ZKSCAN8: variants seen among roughly 807,000 people sequenced by gnomAD.
ZKSCAN8 encodes zinc finger with KRAB and SCAN domains 8.
In ZKSCAN8, 27 loss-of-function variants were observed where a neutral mutation model predicts 57.2. The observed-to-expected ratio is 0.47, with a 90% CI of 0.35 to 0.65. The LOEUF (loss-of-function observed/expected upper bound fraction) is 0.65. ZKSCAN8 is among the 30% of genes least tolerant of loss of function. The probability of loss-of-function intolerance (pLI) is 0.01; values close to 1 mark genes in which losing one functional copy is unlikely to be tolerated. For synonymous variants in ZKSCAN8, 214 were observed against 248.7 expected (o/e 0.86, Z 1.31); for missense variants, 597 against 696.3 (o/e 0.86, Z 1.60).
chr6:28,147,329 A>G (rs1765431229), intron 1 of ZKSCAN8, among the ~76,000 whole-genome samples: 2 of 152,158 alleles, frequency 1.3e-5, no homozygotes, highest in Admixed American at 6.5e-5. Flanking sequence ...TTAAAACCAT[A>G]ATGAGTTGCC....
At chr6:28,149,824 C>CTT (rs200182974) in intron 3 of ZKSCAN8, among the ~76,000 whole-genome samples, 200 bp downstream of exon 3, 4 of 145,060 alleles carry the variant, frequency 2.8e-5, no homozygotes, top group African/African-American at 5.0e-5. Flanking sequence ...AATAATTTGA[C>CTT]TTTTTTTTTT....
chr6:28,150,974 T>A (rs1250984543), intron 3 of ZKSCAN8, among the ~76,000 whole-genome samples: 2 of 152,052 alleles, frequency 1.3e-5, no homozygotes, highest in African/African-American at 4.8e-5. Context: ...GCCTGGCTAA[T>A]TTTTGTATTT....
chr6:28,149,862 C>CT (rs1581524266), intron 3 of ZKSCAN8, among the ~76,000 whole-genome samples: 3 of 148,410 alleles, frequency 2.0e-5, no homozygotes, highest in South Asian at 4.3e-4. Flanking sequence ...TATTATTATA[C>CT]TTTAAGTTTT....
At position 28,159,024 on chromosome 6, in the gene ZKSCAN8, C is replaced by T. The variant is rs892550063; in HGVS notation, c.*5007C>T. ...CATATTCACCTTGATTCAACAGATT[C>T]AAACTTCCTACAGCCTTCTACTGAT... On this transcript the variant is annotated 3_prime_UTR_variant, in exon 6 of 6. Coordinates refer to ENST00000330236, the MANE Select transcript of ZKSCAN8 (RefSeq NM_006298.4). The T allele has an allele frequency of 6.6e-6, 1 of 152,252 alleles. No individual in the cohort carries two copies. The highest frequency in any genetic ancestry group is 1.5e-5 in the Non-Finnish European group (1 of 68,066). 9.4% of individuals were successfully genotyped at this position (152,252 alleles called of 1,614,324 possible).
rs1186814215 is a variant in ZKSCAN8, at chr6:28,154,294, A to G, written c.*277A>G. 9.1e-6 allele frequency: 3 copies of G among 328,880 alleles called. No homozygotes were observed. In the East Asian group the frequency reaches 1.7e-4, roughly 18 times the overall value. The allele number at this position is 328,880 out of a possible 1,614,324, so 20.4% of individuals were successfully genotyped here. A position where few individuals can be genotyped will look rare whatever the true frequency, so the allele number is the denominator to read the frequency against. Reference sequence around the variant, plus strand: ...ATAGCATTAGAGCAAGTTGCTTGTCATGGCTTGAAGAGCTTAACTTTGTCT... The same window carrying G: ...ATAGCATTAGAGCAAGTTGCTTGTCGTGGCTTGAAGAGCTTAACTTTGTCT... On this transcript the variant is annotated 3_prime_UTR_variant, in exon 6 of 6. Coordinates refer to ENST00000330236, the MANE Select transcript of ZKSCAN8 (RefSeq NM_006298.4).
At position 28,153,837 on chromosome 6, in the gene ZKSCAN8, A is replaced by G; in HGVS notation, c.1557A>G (p.Lys519=). 1 of 1,614,108 alleles carries G rather than the reference A, an allele frequency of 6.2e-7. No individual in the cohort carries two copies. The highest frequency in any genetic ancestry group is 8.5e-7 in the Non-Finnish European group (1 of 1,180,012). ...QRIHTGERPY[K]CKECGKAFNG... is the part of the protein sequence containing the mutation. ...TCCACACTGGAGAAAGACCCTATAA[A>G]TGTAAAGAATGTGGGAAAGCTTTCA... The change falls in exon 6 of 6, where the codon AAA becomes AAG. Residue 519 remains lysine (K), a synonymous_variant. Transcript: ENST00000330236.
In ZKSCAN8 at chr6:28,153,150, CGG is replaced by C. The variant is rs1561822444; in HGVS notation, c.873_874del (p.Asp292CysfsTer6). 2 of 1,614,124 alleles carry C rather than the reference CGG, an allele frequency of 1.2e-6. No individual in the cohort carries two copies. The highest frequency in any genetic ancestry group is 3.3e-5 in the Admixed American group (2 of 60,010). On this transcript the variant is annotated frameshift_variant, in exon 6 of 6. Transcript: ENST00000330236. LOFTEE classifies it high-confidence loss of function. ...ATGGAGAGACAGCTGCCAAATGCAA[CGG>C]GGATGTTATCAGGGGTCTTGAGCAT... ...PHGETAAKCNGDVIRGLEHEE... is the reference protein window; with the variant it reads ...PHGETAAKCNXDVIRGLEHEE...
intron 5 of ZKSCAN8, among the ~76,000 whole-genome samples, chr6:28,152,594 G>A (rs1158264809): frequency 2.6e-5 from 4 of 152,116 alleles, no homozygotes; most frequent in African/African-American, 7.2e-5. Context: ...GGGTACTGGC[G>A]TTTTTGCCAG....
At position 28,153,458 on chromosome 6, in the gene ZKSCAN8, T is replaced by C. The variant is rs1472923759; in HGVS notation, c.1178T>C (p.Leu393Pro). 4 of 1,614,082 alleles carry C rather than the reference T, an allele frequency of 2.5e-6. No individual in the cohort carries two copies. The South Asian group carries it at 4.4e-5, about 18-fold the overall frequency. The change falls in exon 6 of 6, where the codon CTG becomes CCG. Residue 393 changes from leucine (L) to proline (P), a missense_variant. Physicochemically the swap from Leu to Pro is moderately conservative, Grantham distance 98. Coordinates refer to ENST00000330236, the MANE Select transcript of ZKSCAN8 (RefSeq NM_006298.4). ...CGKAFSQNTGLILHQRIHTGE... is the reference protein window; with the variant it reads ...CGKAFSQNTGPILHQRIHTGE... ...AAAGCCTTCAGTCAGAACACAGGCC[T>C]GATTCTGCACCAGAGAATCCACACT...
chr6:28,149,856 ATTATACTTTAAGTT>A, intron 3 of ZKSCAN8, among the ~76,000 whole-genome samples: 1 of 149,314 alleles, frequency 6.7e-6, no homozygotes, highest in Non-Finnish European at 1.5e-5. Context: ...TCCTTTTATT[ATTATACTTTAAGTT>A]TTAGGGTACA....
chr6:28,153,359 G>T lies in ZKSCAN8; in HGVS notation c.1079G>T (p.Ser360Ile). The change falls in exon 6 of 6, where the codon AGT becomes ATT. Residue 360 changes from serine (S) to isoleucine (I), a missense_variant. Physicochemically the swap from Ser to Ile is moderately radical, Grantham distance 142 (BLOSUM62 -2). Transcript: ENST00000330236. ...TGTAATGTGTGTGGTAAAGCCTTCA[G>T]TTACAGGTCAGCCCTTCTTTCACAT... ...YQCNVCGKAF[S>I]YRSALLSHQD... The T allele has an allele frequency of 6.2e-7, 1 of 1,614,164 alleles. No individual in the cohort carries two copies. The highest frequency in any genetic ancestry group is 1.1e-5 in the South Asian group (1 of 91,076).
intron 5 of ZKSCAN8, 152 bp downstream of exon 5, chr6:28,152,536 C>G: frequency 8.6e-7 from 1 of 1,159,810 alleles, no homozygotes; most frequent in Non-Finnish European, 1.2e-6. Flanking sequence ...TGAAATCTTA[C>G]GTGAAACTTT....
chr6:28,151,588 C>T (rs571843296), intron 3 of ZKSCAN8, among the ~76,000 whole-genome samples: 3 of 152,238 alleles, frequency 2.0e-5, no homozygotes, highest in East Asian at 1.9e-4. Flanking sequence ...AATTGAAAAG[C>T]GATTCCTGTT....
intron 1 of ZKSCAN8, among the ~76,000 whole-genome samples, chr6:28,147,786 G>A (rs1259817749): frequency 6.6e-6 from 1 of 152,164 alleles, no homozygotes; most frequent in African/African-American, 2.4e-5. Context: ...TTAACCTTGA[G>A]ATAGGAGGAA....
chr6:28,146,480 T>G (rs1317092401), intron 1 of ZKSCAN8, among the ~76,000 whole-genome samples: 1 of 152,176 alleles, frequency 6.6e-6, no homozygotes, highest in Non-Finnish European at 1.5e-5. Flanking sequence ...AAAGAAGACT[T>G]CAACGGAGAG....
Position 28,156,048 on chromosome 6 carries a change from C to A in ZKSCAN8, c.*2031C>A. The A allele has an allele frequency of 2.5e-6, 1 of 397,754 alleles. No homozygotes were observed. The highest frequency in any genetic ancestry group is 1.3e-4 in the South Asian group (1 of 7,732). 24.6% of individuals were successfully genotyped at this position (397,754 alleles called of 1,614,324 possible). A position where few individuals can be genotyped will look rare whatever the true frequency, so the allele number is the denominator to read the frequency against. On this transcript the variant is annotated 3_prime_UTR_variant, in exon 6 of 6. Coordinates refer to ENST00000330236, the MANE Select transcript of ZKSCAN8 (RefSeq NM_006298.4). Reference sequence around the variant, plus strand: ...GTATCTAGATCTTTGCTCTGTGTTTCAGTTGTGCCTTACCCTCTGTAAGAT... The same window carrying A: ...GTATCTAGATCTTTGCTCTGTGTTTAAGTTGTGCCTTACCCTCTGTAAGAT...
intron 1 of ZKSCAN8, among the ~76,000 whole-genome samples, chr6:28,147,439 T>C (rs1448146622): frequency 6.6e-6 from 1 of 152,214 alleles, no homozygotes; most frequent in Non-Finnish European, 1.5e-5. Context: ...TATAAAGTTA[T>C]ACATATATGT....
Position 28,153,798 on chromosome 6 carries a change from T to A in ZKSCAN8, c.1518T>A (p.Ile506=), listed in dbSNP as rs762941124. ...CCTTCAGTCAGAAGTCAGGCCTTAT[T>A]GAACATCAGAGAATCCACACTGGAG... The part of the protein sequence containing the change: ...GRAFSQKSGL[I]EHQRIHTGER... The change falls in exon 6 of 6, where the codon ATT becomes ATA. Residue 506 remains isoleucine (I), a synonymous_variant. Transcript: ENST00000330236. 1.9e-6 allele frequency: 3 copies of A among 1,614,038 alleles called. No individual in the cohort carries two copies. The highest frequency in any genetic ancestry group is 8.5e-7 in the Non-Finnish European group (1 of 1,179,932).
Position 28,154,167 on chromosome 6 carries a change from T to A in ZKSCAN8, c.*150T>A. On this transcript the variant is annotated 3_prime_UTR_variant, in exon 6 of 6. Transcript: ENST00000330236. ...TGGCAAAGTTAGGATAGCTCTTTAGTAATTTGGGCCCAGTGCCTTGGTGAA... is the reference window on the plus strand; with the variant it reads ...TGGCAAAGTTAGGATAGCTCTTTAGAAATTTGGGCCCAGTGCCTTGGTGAA... The A allele has an allele frequency of 8.3e-7, 1 of 1,205,144 alleles. No homozygotes were observed. Among genetic ancestry groups the A allele is most frequent in the Non-Finnish European group, 1.1e-6 (1 of 883,026 alleles). The allele number at this position is 1,205,144 out of a possible 1,614,324, so 74.7% of individuals were successfully genotyped here. A position where few individuals can be genotyped will look rare whatever the true frequency, so the allele number is the denominator to read the frequency against.
Sources: gnomAD v4.1 joint callset for allele counts (sites outside exome capture counted in the v4.1 genomes callset) on GRCh38, gnomAD v4.1.1 for gene constraint, MANE v1.5 for transcripts, NCBI Gene and HGNC (gene_info 2026-07-23, HGNC 2026-07-21) for gene names.